Variants in URB2 observed in about 807,000 individuals in gnomAD.
The protein encoded by URB2 is unhealthy ribosome biogenesis protein 2 homolog.
A neutral mutation model predicts 120.9 loss-of-function variants in URB2; 86 were observed. The observed-to-expected ratio is 0.71, with a 90% confidence interval of 0.60 to 0.85. The LOEUF (loss-of-function observed/expected upper bound fraction) is 0.85. Ranked by LOEUF, URB2 falls within the 40% of genes least tolerant of loss-of-function variation. URB2 has a pLI of 0.00. For synonymous variants in URB2, 755 were observed against 758.4 expected (o/e 1.00, Z 0.07); for missense variants, 1,765 against 1,836.5 (o/e 0.96, Z 0.71).
At position 229,659,350 on chromosome 1, in the gene URB2, T is replaced by G; in HGVS notation, c.*53T>G. On this transcript the variant is annotated 3_prime_UTR_variant, in exon 10 of 10. Coordinates refer to ENST00000258243, the MANE Select transcript of URB2 (RefSeq NM_014777.4). ...ACACTGTCCAGAGGCTTTGGCTGCA[T>G]GGTCTGAAAGAGCTGGAGAATGAAA... 2 of 1,571,668 alleles carry G rather than the reference T, an allele frequency of 1.3e-6. No homozygotes were observed. Among genetic ancestry groups the G allele is most frequent in the Non-Finnish European group, 1.7e-6 (2 of 1,146,952 alleles).
rs986235314 is a variant in URB2, at chr1:229,637,304, T to C, written c.2691T>C (p.Leu897=). ...EGEQLESILG[L]LEVISALQLD... ...AGCAGTTGGAAAGCATCCTGGGGCT[T>C]TTGGAAGTGATTTCTGCCTTACAGC... Residue 897 remains leucine (L), a synonymous_variant, in exon 4 of 10, where the codon CTT becomes CTC. Coordinates refer to ENST00000258243, the MANE Select transcript of URB2 (RefSeq NM_014777.4). 6.2e-7 allele frequency: 1 copy of C among 1,614,188 alleles called. No individual in the cohort carries two copies. Among genetic ancestry groups the C allele is most frequent in the Non-Finnish European group, 8.5e-7 (1 of 1,180,028 alleles).
chr1:229,628,133 A>G (rs1440587307), intron 2 of URB2, among the ~76,000 whole-genome samples: 1 of 137,618 alleles, frequency 7.3e-6, no homozygotes, highest in Non-Finnish European at 1.5e-5. Context: ...ATATACATAT[A>G]TAATATATAT....
intron 8 of URB2, 145 bp from the exon 9 acceptor site, chr1:229,654,104 C>T: frequency 1.7e-6 from 2 of 1,146,544 alleles, no homozygotes; most frequent in East Asian, 2.5e-5. Context: ...CTCCCTTATT[C>T]TGTCTGCAAA....
intron 1 of URB2, among the ~76,000 whole-genome samples, chr1:229,627,382 A>G (rs1007555763): frequency 1.3e-5 from 2 of 152,224 alleles, no homozygotes; most frequent in Admixed American, 1.3e-4. Context: ...CATATAGTCC[A>G]TCTTCTGTGT....
At chr1:229,647,303 C>T (rs1205821530) in intron 6 of URB2, among the ~76,000 whole-genome samples, 2 of 152,158 alleles carry the variant, frequency 1.3e-5, no homozygotes, top group Non-Finnish European at 2.9e-5. Context: ...TGGGTCTGTT[C>T]TCTTTATATT....
chr1:229,635,332 T>C lies in URB2; in HGVS notation c.719T>C (p.Met240Thr), dbSNP rs148836187. The change falls in exon 4 of 10, where the codon ATG (methionine) becomes ACG (threonine). Residue 240 changes from methionine (M) to threonine (T), a missense_variant. By Grantham distance (81) the Met-to-Thr change is moderately conservative. Transcript: ENST00000258243. Reference sequence around the variant, plus strand: ...GACATCAGGAGTCAGATTGAGGCCATGTTCCGAGGAGGGATTTTTCAGCCT... The same window carrying C: ...GACATCAGGAGTCAGATTGAGGCCACGTTCCGAGGAGGGATTTTTCAGCCT... The part of the protein sequence containing the change: ...SRDIRSQIEA[M>T]FRGGIFQPEL... 15 of 1,614,010 alleles carry C rather than the reference T, an allele frequency of 9.3e-6. No individual in the cohort carries two copies. Among genetic ancestry groups the C allele is most frequent in the African/African-American group, 2.7e-5 (2 of 74,926 alleles).
Position 229,634,723 on chromosome 1 carries a change from T to C in URB2, c.304-194T>C, listed in dbSNP as rs182718931. Among the ~76,000 whole-genome samples the C allele has an allele frequency of 1.8e-4, 28 of 152,334 alleles. No homozygotes were observed. The East Asian group carries it at 5.4e-3, about 29-fold the overall frequency. Reference sequence around the variant, plus strand: ...GGTAGAAGATGGATGGGTGGAGGAATTGAAACAGATGCTTTGCCTTATTTT... The same window carrying C: ...GGTAGAAGATGGATGGGTGGAGGAACTGAAACAGATGCTTTGCCTTATTTT... On this transcript the variant is annotated intron_variant, in intron 3 of 9. Transcript: ENST00000258243.
At chr1:229,650,415 T>A (rs1666240304) in intron 7 of URB2, among the ~76,000 whole-genome samples, 1 of 152,148 alleles carries the variant, frequency 6.6e-6, no homozygotes, top group Admixed American at 6.5e-5. Context: ...AAGAGGCATG[T>A]TTTGTCATCA....
Position 229,654,247 on chromosome 1 carries a change from A to C in URB2, c.4238-2A>C, listed in dbSNP as rs776377275. ...GGTTGGGAAACACTTTGTTGTCTGTAGGAAGCATAGATGACCTGCCTACGG... is the reference window on the plus strand; with the variant it reads ...GGTTGGGAAACACTTTGTTGTCTGTCGGAAGCATAGATGACCTGCCTACGG... On this transcript the variant is annotated splice_acceptor_variant, in intron 8 of 9. Transcript: ENST00000258243. LOFTEE classifies it high-confidence loss of function. 1.9e-6 allele frequency: 3 copies of C among 1,613,664 alleles called. No individual in the cohort carries two copies. Among genetic ancestry groups the C allele is most frequent in the Non-Finnish European group, 2.5e-6 (3 of 1,179,632 alleles).
chr1:229,635,844 T>C lies in URB2; in HGVS notation c.1231T>C (p.Cys411Arg), dbSNP rs1665792441. ...AGCACCCATACCGGCCTGGTTCCGC[T>C]GTCTGAAGACTTTGATATCTCTGAA... ...AQAPIPAWFR[C>R]LKTLISLNHL... The change falls in exon 4 of 10, where the codon TGT becomes CGT. Residue 411 changes from cysteine to arginine, a missense_variant. Transcript: ENST00000258243. 3 of 1,614,154 alleles carry C rather than the reference T, an allele frequency of 1.9e-6. No individual in the cohort carries two copies. Among genetic ancestry groups the C allele is most frequent in the Non-Finnish European group, 2.5e-6 (3 of 1,179,976 alleles).
rs748802716 is a variant in URB2, at chr1:229,636,163, T to G, written c.1550T>G (p.Val517Gly). 6.2e-7 allele frequency: 1 copy of G among 1,614,132 alleles called. No individual in the cohort carries two copies. The highest frequency in any genetic ancestry group is 1.1e-5 in the South Asian group (1 of 91,092). Reference protein sequence around the residue: ...PSQILDTWSLVLEKFQSLVLP... With the variant: ...PSQILDTWSLGLEKFQSLVLP... ...CAGATCCTGGACACGTGGTCCCTTG[T>G]GCTGGAGAAGTTCCAGTCTTTAGTC... Residue 517 changes from valine to glycine, a missense_variant, in exon 4 of 10, where the codon GTG (valine) becomes GGG (glycine). Coordinates refer to ENST00000258243, the MANE Select transcript of URB2 (RefSeq NM_014777.4).
At chr1:229,648,479 C>G (rs1228242662) in intron 7 of URB2, among the ~76,000 whole-genome samples, 2 of 152,188 alleles carry the variant, frequency 1.3e-5, no homozygotes, top group Non-Finnish European at 2.9e-5. Flanking sequence ...ATCCTGAGTT[C>G]CAGTTTTATA....
chr1:229,657,734 A>G (rs1403975565), intron 9 of URB2, among the ~76,000 whole-genome samples: 1 of 152,212 alleles, frequency 6.6e-6, no homozygotes, highest in Non-Finnish European at 1.5e-5. Context: ...GGTAAAATTT[A>G]AGATGATCAC....
In URB2 at chr1:229,637,388, C is replaced by T. The variant is rs377017485; in HGVS notation, c.2775C>T (p.Ala925=). 8.7e-6 allele frequency: 14 copies of T among 1,614,066 alleles called. No individual in the cohort carries two copies. The highest frequency in any genetic ancestry group is 1.6e-4 in the Middle Eastern group (1 of 6,084). ...ATTTTCTTGTGTTACTGTCCATGGCCGTCACCAAACTAGGATGCTCTTGCT... is the reference window on the plus strand; with the variant it reads ...ATTTTCTTGTGTTACTGTCCATGGCTGTCACCAAACTAGGATGCTCTTGCT... ...VHYFLVLLSM[A]VTKLGCSCSS... is the part of the protein sequence containing the mutation. Residue 925 remains alanine (A), a synonymous_variant, in exon 4 of 10, where the codon GCC becomes GCT. Coordinates refer to ENST00000258243, the MANE Select transcript of URB2 (RefSeq NM_014777.4).
chr1:229,653,123 T>C (rs1666320768), intron 8 of URB2, among the ~76,000 whole-genome samples: 1 of 152,256 alleles, frequency 6.6e-6, no homozygotes, highest in South Asian at 2.1e-4. Context: ...CAATGTTAGA[T>C]ATTAAAGCAT....
intron 7 of URB2, among the ~76,000 whole-genome samples, chr1:229,649,672 T>G (rs924990854): frequency 6.6e-6 from 1 of 152,162 alleles, no homozygotes; most frequent in African/African-American, 2.4e-5. Context: ...CACACTGATG[T>G]AAACACGCAG....
At chr1:229,649,005 G>T (rs1002217690) in intron 7 of URB2, among the ~76,000 whole-genome samples, 2 of 152,192 alleles carry the variant, frequency 1.3e-5, no homozygotes, top group Non-Finnish European at 2.9e-5. Context: ...GTAGACAGTT[G>T]TAACACAATG....
chr1:229,647,619 A>AC lies in URB2; in HGVS notation c.4021dup (p.His1341ProfsTer43), dbSNP rs766644686. 6.2e-7 allele frequency: 1 copy of AC among 1,613,976 alleles called. No homozygotes were observed. Among genetic ancestry groups the AC allele is most frequent in the African/African-American group, 1.3e-5 (1 of 74,994 alleles). On this transcript the variant is annotated frameshift_variant, in exon 7 of 10. Coordinates refer to ENST00000258243, the MANE Select transcript of URB2 (RefSeq NM_014777.4). LOFTEE classifies it high-confidence loss of function. Reference sequence around the variant, plus strand: ...CGGCAGGGGGAGGAGGCCATCGGCAACCCCCACCACGTCAGCCTGGCCTTC... The same window carrying AC: ...CGGCAGGGGGAGGAGGCCATCGGCAACCCCCCACCACGTCAGCCTGGCCTTC...
chr1:229,659,245 A>G lies in URB2; in HGVS notation c.4523A>G (p.Tyr1508Cys), dbSNP rs748868307. ...RDIFKELYND[Y>C]LKYHKAKHEG... ...ATCTTTAAGGAGCTCTATAATGACTATCTCAAGTACCACAAGGCCAAACAT... is the reference window on the plus strand; with the variant it reads ...ATCTTTAAGGAGCTCTATAATGACTGTCTCAAGTACCACAAGGCCAAACAT... Residue 1508 changes from tyrosine (Y) to cysteine (C), a missense_variant, in exon 10 of 10, where the codon TAT becomes TGT. Coordinates refer to ENST00000258243, the MANE Select transcript of URB2 (RefSeq NM_014777.4). 8 of 1,613,952 alleles carry G rather than the reference A, an allele frequency of 5.0e-6. No homozygotes were observed. Among genetic ancestry groups the G allele is most frequent in the African/African-American group, 4.0e-5 (3 of 74,930 alleles).
Sources: gnomAD v4.1 joint callset for allele counts (sites outside exome capture counted in the v4.1 genomes callset) on GRCh38, gnomAD v4.1.1 for gene constraint, MANE v1.5 for transcripts, NCBI Gene and HGNC (gene_info 2026-07-23, HGNC 2026-07-21) for gene names.